The following MMD variants were observed in gnomAD, a reference collection of about 807,000 sequenced individuals.
MMD encodes monocyte to macrophage differentiation factor.
In MMD, 22 loss-of-function variants were observed where a neutral mutation model predicts 33.6. That is an observed-to-expected ratio of 0.66 (90% CI 0.47 to 0.94). MMD has a LOEUF of 0.94. Among genes scored for constraint, MMD ranks in the 40% least tolerant of loss-of-function variants. The probability of loss-of-function intolerance (pLI) is 0.00; values close to 1 mark genes in which losing one functional copy is unlikely to be tolerated. For synonymous variants in MMD, 97 were observed against 103.2 expected (o/e 0.94, Z 0.36); for missense variants, 242 against 309.8 (o/e 0.78, Z 1.64).
intron 6 of MMD, among the ~76,000 whole-genome samples, chr17:55,395,211 G>A (rs941149201): frequency 5.3e-5 from 8 of 152,216 alleles, no homozygotes; most frequent in African/African-American, 1.9e-4. Flanking sequence ...GGGCAGAAGG[G>A]AGAATTTTTT....
chr17:55,395,273 C>T (rs1907057175), intron 6 of MMD, among the ~76,000 whole-genome samples: 1 of 152,142 alleles, frequency 6.6e-6, no homozygotes, highest in African/African-American at 2.4e-5. Flanking sequence ...ATTAAAATGG[C>T]TTGTATGAAT....
At chr17:55,407,693 G>C (rs1267943617) in intron 4 of MMD, 53 bp downstream of exon 4, 2 of 1,507,362 alleles carry the variant, frequency 1.3e-6, no homozygotes, top group African/African-American at 2.8e-5. Flanking sequence ...GGAGGAGTGA[G>C]GAATTCTAAT....
At chr17:55,411,632 A>G (rs1352702446) in intron 2 of MMD, among the ~76,000 whole-genome samples, 1 of 152,216 alleles carries the variant, frequency 6.6e-6, no homozygotes, top group Admixed American at 6.5e-5. Context: ...AATTGTGCCA[A>G]CCAGTGGGGA....
intron 4 of MMD, among the ~76,000 whole-genome samples, chr17:55,405,091 G>T (rs778960843): frequency 2.0e-5 from 3 of 151,974 alleles, no homozygotes; most frequent in South Asian, 4.2e-4. Flanking sequence ...AATGAGGCCA[G>T]GTGTGGTGGC....
chr17:55,418,574 T>C (rs1908058460), intron 1 of MMD, among the ~76,000 whole-genome samples: 1 of 152,214 alleles, frequency 6.6e-6, no homozygotes, highest in South Asian at 2.1e-4. Flanking sequence ...CAACATCATT[T>C]ATGTTGCAAC....
At chr17:55,404,361 A>AG in intron 4 of MMD, 1 of 760,770 alleles carries the variant, frequency 1.3e-6, no homozygotes, top group African/African-American at 1.9e-5. Context: ...CCTAAAAAAA[A>AG]AAAAGAATTA....
intron 1 of MMD, among the ~76,000 whole-genome samples, chr17:55,417,604 G>A (rs1393826965): frequency 6.6e-6 from 1 of 151,956 alleles, no homozygotes; most frequent in African/African-American, 2.4e-5. Flanking sequence ...CAGCCTAGGC[G>A]GTATAGTGAG....
chr17:55,421,062 G>A (rs1348990768), intron 1 of MMD, among the ~76,000 whole-genome samples: 1 of 152,218 alleles, frequency 6.6e-6, no homozygotes. Context: ...CACCGCCCTG[G>A]GACGTTCAGC....
At chr17:55,420,039 TGTTTTAACA>T (rs1431849118) in intron 1 of MMD, 4 of 152,196 alleles carry the variant, frequency 2.6e-5, no homozygotes, top group Admixed American at 6.5e-5. Flanking sequence ...TTGTTGTTGT[TGTTTTAACA>T]GTTTTAACGT....
At chr17:55,406,612 G>A (rs992408670) in intron 4 of MMD, among the ~76,000 whole-genome samples, 1 of 152,036 alleles carries the variant, frequency 6.6e-6, no homozygotes, top group African/African-American at 2.4e-5. Context: ...CAAGCATGGT[G>A]GCTCATGACT....
At chr17:55,416,153 G>C (rs1047061446) in intron 1 of MMD, among the ~76,000 whole-genome samples, 3 of 152,216 alleles carry the variant, frequency 2.0e-5, no homozygotes, top group Non-Finnish European at 2.9e-5. Context: ...GATGGCTGTA[G>C]TTAGATGAAA....
In MMD at chr17:55,417,725, G is replaced by A. The variant is rs78572332; in HGVS notation, c.27-3493C>T. On this transcript the variant is annotated intron_variant, in intron 1 of 6. Coordinates refer to ENST00000262065, the MANE Select transcript of MMD (RefSeq NM_012329.3). ...GTAGAAGGACTGCTTGAGCCTCGGA[G>A]GTCAAGGCTGCAACAGTGAGTTGTG... Among the ~76,000 whole-genome samples, 474 of 152,274 alleles carry A rather than the reference G, an allele frequency of 3.1e-3. 2 individuals carry two copies. Among genetic ancestry groups the A allele is most frequent in the African/African-American group, 0.011 (461 of 41,564 alleles).
intron 3 of MMD, among the ~76,000 whole-genome samples, chr17:55,410,661 T>C (rs1420830257): frequency 6.6e-6 from 1 of 152,244 alleles, no homozygotes; most frequent in Non-Finnish European, 1.5e-5. Flanking sequence ...AGCTAAACTT[T>C]GCAAAATGGT....
rs146028900 is a variant in MMD at position 55,411,221 on chromosome 17, T to C, written c.269+36A>G. On this transcript the variant is annotated intron_variant, in intron 3 of 6. Coordinates refer to ENST00000262065, the MANE Select transcript of MMD (RefSeq NM_012329.3). ...GGTACCAAACACGTTGAGTCAACTA[T>C]TTGGATCTGTTGAAACAGCATGTCA... The C allele has an allele frequency of 6.1e-4, 972 of 1,591,590 alleles. 2 individuals carry two copies. Among genetic ancestry groups the C allele is most frequent in the Middle Eastern group, 1.0e-3 (6 of 5,900 alleles).
At chr17:55,407,295 T>A (rs1351434029) in intron 4 of MMD, among the ~76,000 whole-genome samples, 1 of 145,292 alleles carries the variant, frequency 6.9e-6, no homozygotes, top group African/African-American at 2.6e-5. Flanking sequence ...TGAGACTCCA[T>A]CTCAAAATAA....
At chr17:55,408,444 C>T (rs188952082) in intron 3 of MMD, among the ~76,000 whole-genome samples, 2 of 152,042 alleles carry the variant, frequency 1.3e-5, no homozygotes, top group African/African-American at 2.4e-5. Context: ...AAGCAAGTTC[C>T]TCCTTCCAAA....
At position 55,393,941 on chromosome 17, in the gene MMD, T is replaced by C. The variant is rs1907009145; in HGVS notation, c.*393A>G. On this transcript the variant is annotated 3_prime_UTR_variant, in exon 7 of 7. Transcript: ENST00000262065. ...TGTCCATGATTCTTTACCTAGTGAA[T>C]GGGAAAGTAATAGAAACAATTTTCT... 1 of 154,598 alleles carries C rather than the reference T, an allele frequency of 6.5e-6. No homozygotes were observed. Among genetic ancestry groups the C allele is most frequent in the Admixed American group, 6.5e-5 (1 of 15,342 alleles). 9.6% of individuals were successfully genotyped at this position (154,598 alleles called of 1,614,324 possible).
At chr17:55,410,950 T>C (rs989664029) in intron 3 of MMD, among the ~76,000 whole-genome samples, 1 of 152,162 alleles carries the variant, frequency 6.6e-6, no homozygotes, top group Non-Finnish European at 1.5e-5. Context: ...ATCATATCCT[T>C]AGTGTGCTTG....
At chr17:55,418,220 G>GT (rs1401513319) in intron 1 of MMD, among the ~76,000 whole-genome samples, 1 of 152,170 alleles carries the variant, frequency 6.6e-6, no homozygotes, top group Non-Finnish European at 1.5e-5. Flanking sequence ...GTCACAATTG[G>GT]TAAGACTTTG....
Sources: allele counts gnomAD v4.1 joint callset (sites outside exome capture counted in the v4.1 genomes callset), GRCh38; gene constraint gnomAD v4.1.1; transcripts MANE v1.5; gene names NCBI Gene and HGNC (gene_info 2026-07-23, HGNC 2026-07-21).